The following DENND2C variants were observed in gnomAD, a reference collection of about 807,000 sequenced individuals.
DENND2C encodes the protein DENN domain-containing protein 2C.
In DENND2C, 72 loss-of-function variants were observed where a neutral mutation model predicts 112.4. That is an observed-to-expected ratio of 0.64 (90% CI 0.53 to 0.78). The LOEUF (loss-of-function observed/expected upper bound fraction) is 0.78, where lower values mean the gene tolerates loss of function less well. Among genes scored for constraint, DENND2C ranks in the 30% least tolerant of loss-of-function variants. The probability of loss-of-function intolerance (pLI) is 0.00; values close to 1 mark genes in which losing one functional copy is unlikely to be tolerated. For missense variants in DENND2C, 992 were observed against 1,113.8 expected (o/e 0.89, Z 1.56); for synonymous variants, 329 against 381.6 (o/e 0.86, Z 1.61).
intron 3 of DENND2C, among the ~76,000 whole-genome samples, chr1:114,643,916 T>G (rs1656909508): frequency 6.6e-6 from 1 of 152,194 alleles, no homozygotes; most frequent in Non-Finnish European, 1.5e-5. Flanking sequence ...ATTTCATGAT[T>G]GTGTTACATG....
chr1:114,622,134 G>C, intron 6 of DENND2C, 69 bp from the exon 7 acceptor site: 1 of 1,442,628 alleles, frequency 6.9e-7, no homozygotes, highest in South Asian at 1.5e-5. Flanking sequence ...GTTTGTTTGA[G>C]ATGGGGTCTT....
intron 18 of DENND2C, among the ~76,000 whole-genome samples, chr1:114,590,021 T>C (rs1424470806): frequency 6.6e-6 from 1 of 152,238 alleles, no homozygotes; most frequent in African/African-American, 2.4e-5. Flanking sequence ...AGTAGGTTTT[T>C]GTATGTCTTT....
intron 11 of DENND2C, among the ~76,000 whole-genome samples, chr1:114,604,659 C>CTTT (rs35947354): frequency 1.4e-5 from 2 of 145,762 alleles, no homozygotes; most frequent in Admixed American, 6.8e-5. Flanking sequence ...TAAAATAGAA[C>CTTT]TTTTTTTTTT....
chr1:114,610,018 C>T (rs1040933150), intron 9 of DENND2C, among the ~76,000 whole-genome samples: 4 of 152,256 alleles, frequency 2.6e-5, no homozygotes, highest in African/African-American at 9.6e-5. Flanking sequence ...GAATCAAACA[C>T]CTAAAGCAAT....
chr1:114,608,622 G>T, intron 10 of DENND2C, 64 bp downstream of exon 10: 1 of 1,539,836 alleles, frequency 6.5e-7, no homozygotes, highest in Non-Finnish European at 8.8e-7. Flanking sequence ...CAAGAGGACA[G>T]GAAATACATG....
chr1:114,611,352 G>A (rs901829998), intron 8 of DENND2C, among the ~76,000 whole-genome samples: 16 of 151,936 alleles, frequency 1.1e-4, no homozygotes, highest in South Asian at 4.2e-4. Context: ...TTCACTCCTC[G>A]GCTCCCCTCT....
chr1:114,617,987 CA>C (rs984160775), intron 8 of DENND2C, among the ~76,000 whole-genome samples: 13 of 133,226 alleles, frequency 9.8e-5, no homozygotes, highest in South Asian at 2.7e-4. Context: ...GAAAGTAAAC[CA>C]AATTTTTTTT....
At chr1:114,622,951 T>G (rs1656206581) in intron 6 of DENND2C, 36 bp downstream of exon 6, 2 of 1,496,600 alleles carry the variant, frequency 1.3e-6, no homozygotes, top group Non-Finnish European at 1.8e-6. Flanking sequence ...ATGAATAAGA[T>G]TCTAATGTTT....
At position 114,655,024 on chromosome 1, in the gene DENND2C, C is replaced by A. The variant is rs59572418; in HGVS notation, c.-573-263G>T. Among the ~76,000 whole-genome samples the A allele has an allele frequency of 6.0e-3, 916 of 152,312 alleles. 15 individuals are homozygous for A. Among genetic ancestry groups the A allele is most frequent in the African/African-American group, 0.021 (863 of 41,564 alleles). ...CCAGGACTTAAGTCACATGTACAAA[C>A]TGCAAGCCAGGCTGGGAAATATAAT... On this transcript the variant is annotated intron_variant, in intron 1 of 20. Transcript: ENST00000393274.
At chr1:114,589,439 G>T (rs888753104) in intron 18 of DENND2C, among the ~76,000 whole-genome samples, 1 of 152,058 alleles carries the variant, frequency 6.6e-6, no homozygotes, top group Admixed American at 6.6e-5. Flanking sequence ...TGTAATCTAG[G>T]TTTTTGTTAT....
chr1:114,655,883 A>ATATATCTATATATATAT (rs1557960847), intron 1 of DENND2C, among the ~76,000 whole-genome samples: 1 of 125,890 alleles, frequency 7.9e-6, no homozygotes, highest in African/African-American at 2.7e-5. Context: ...TATATGTATA[A>ATATATCTATATATATAT]ATATATATAT....
At chr1:114,594,193 A>G (rs1417112688) in intron 18 of DENND2C, among the ~76,000 whole-genome samples, 2 of 152,200 alleles carry the variant, frequency 1.3e-5, no homozygotes, top group Non-Finnish European at 2.9e-5. Flanking sequence ...GGCCTCAGTG[A>G]GAAGATGATG....
chr1:114,591,670 C>CT (rs1306913880), intron 18 of DENND2C, among the ~76,000 whole-genome samples: 1 of 151,930 alleles, frequency 6.6e-6, no homozygotes, highest in Non-Finnish European at 1.5e-5. Flanking sequence ...GCTCTTTGTG[C>CT]CGTATTTTTA....
At chr1:114,608,640 A>G in intron 10 of DENND2C, 46 bp downstream of exon 10, 3 of 1,585,332 alleles carry the variant, frequency 1.9e-6, no homozygotes, top group Non-Finnish European at 2.6e-6. Context: ...ATGTACACAG[A>G]GACACAGGAA....
At chr1:114,649,460 G>T (rs1421297881) in intron 2 of DENND2C, among the ~76,000 whole-genome samples, 2 of 151,310 alleles carry the variant, frequency 1.3e-5, no homozygotes, top group Admixed American at 6.6e-5. Context: ...CTGCAGCCTT[G>T]ACTCCCTGGG....
intron 17 of DENND2C, chr1:114,595,266 G>GT (rs1262361586): frequency 6.6e-6 from 1 of 152,502 alleles, no homozygotes; most frequent in Admixed American, 6.5e-5. Context: ...GGATCACGAG[G>GT]TCAGGAGATC....
intron 16 of DENND2C, among the ~76,000 whole-genome samples, chr1:114,596,970 G>T (rs1177725419): frequency 6.6e-6 from 1 of 151,226 alleles, no homozygotes; most frequent in Admixed American, 6.6e-5. Flanking sequence ...GATATAGGAG[G>T]ATATTTTCAT....
chr1:114,649,764 G>T (rs1328946450), intron 2 of DENND2C, among the ~76,000 whole-genome samples: 1 of 151,970 alleles, frequency 6.6e-6, no homozygotes, highest in Non-Finnish European at 1.5e-5. Flanking sequence ...CATTACTAAA[G>T]TATTCAAAGG....
In DENND2C at chr1:114,631,925, A is replaced by C. The variant is rs573410872; in HGVS notation, c.-204-5737T>G. Reference sequence around the variant, plus strand: ...CATAAATTTGAAGGAAAACATGAACATAAGTAGAGTAATGGAAGATATTTA... The same window carrying C: ...CATAAATTTGAAGGAAAACATGAACCTAAGTAGAGTAATGGAAGATATTTA... On this transcript the variant is annotated intron_variant, in intron 3 of 20. Coordinates refer to ENST00000393274, the MANE Select transcript of DENND2C (RefSeq NM_001256404.2). Among the ~76,000 whole-genome samples the C allele has an allele frequency of 4.5e-4, 68 of 152,360 alleles. No homozygotes were observed. The South Asian group carries it at 0.012, about 28-fold the overall frequency.
Sources: allele counts gnomAD v4.1 joint callset (sites outside exome capture counted in the v4.1 genomes callset), GRCh38; gene constraint gnomAD v4.1.1; transcripts MANE v1.5; gene names NCBI Gene and HGNC (gene_info 2026-07-23, HGNC 2026-07-21).